The following NKD2 variants were observed in gnomAD, a reference collection of about 807,000 sequenced individuals.
NKD2 encodes NKD inhibitor of Wnt signaling pathway 2.
A neutral mutation model predicts 34.8 loss-of-function variants in NKD2; 43 were observed. That is an observed-to-expected ratio of 1.24 (90% CI 0.97 to 1.60). NKD2 has a LOEUF of 1.60. Ranked by LOEUF, NKD2 falls within the 40% of genes most tolerant of loss-of-function variation. The probability of loss-of-function intolerance (pLI) is 0.00; values close to 1 mark genes in which losing one functional copy is unlikely to be tolerated. For missense variants in NKD2, 675 were observed against 627.1 expected (o/e 1.08, Z -0.82); for synonymous variants, 278 against 265.1 (o/e 1.05, Z -0.47).
chr5:1,029,030 A>G (rs1756536951), intron 3 of NKD2, among the ~76,000 whole-genome samples: 1 of 152,204 alleles, frequency 6.6e-6, no homozygotes, highest in Admixed American at 6.5e-5. Context: ...TATAAGTTGC[A>G]ATTAAAGCTC....
chr5:1,033,327 C>T (rs1474912959), intron 4 of NKD2, 45 bp from the exon 5 acceptor site: 4 of 1,535,926 alleles, frequency 2.6e-6, no homozygotes, highest in Non-Finnish European at 3.5e-6. Context: ...GCCACATCCT[C>T]CATGTGCCCT....
In NKD2 at chr5:1,033,402, G is replaced by T. The variant is rs746963746; in HGVS notation, c.233G>T (p.Arg78Leu). Residue 78 changes from arginine (R) to leucine (L), a missense_variant, in exon 5 of 10, where the codon CGC becomes CTC. Arg to Leu is a moderately radical substitution (Grantham distance 102). Coordinates refer to ENST00000296849, the MANE Select transcript of NKD2 (RefSeq NM_033120.4). ...CTCCCCGCTGAGAAAGCTGAGGGCC[G>T]CGAGCACCCGGGACAACTCCTCAGC... is the stretch of plus-strand genomic sequence containing the variant. Reference protein sequence around the residue: ...VALPAEKAEGREHPGQLLSAD... With the variant: ...VALPAEKAEGLEHPGQLLSAD... The T allele has an allele frequency of 6.3e-7, 1 of 1,598,202 alleles. No individual in the cohort carries two copies. The highest frequency in any genetic ancestry group is 8.5e-7 in the Non-Finnish European group (1 of 1,173,196).
intron 3 of NKD2, among the ~76,000 whole-genome samples, chr5:1,014,562 G>T (rs1006157461): frequency 6.6e-6 from 1 of 152,212 alleles, no homozygotes; most frequent in Non-Finnish European, 1.5e-5. Flanking sequence ...TTGTAGGAGT[G>T]GCTGGCTCTC....
intron 3 of NKD2, among the ~76,000 whole-genome samples, chr5:1,026,694 A>G (rs986561308): frequency 6.6e-6 from 1 of 152,236 alleles, no homozygotes; most frequent in African/African-American, 2.4e-5. Context: ...CCCGTGTGCC[A>G]TATCCCAAAG....
chr5:1,011,433 C>T (rs1196375951), intron 3 of NKD2, among the ~76,000 whole-genome samples: 1 of 152,236 alleles, frequency 6.6e-6, no homozygotes, highest in African/African-American at 2.4e-5. Flanking sequence ...GTCCCTCTGG[C>T]TCTCACCTTC....
intron 3 of NKD2, among the ~76,000 whole-genome samples, chr5:1,016,475 A>G (rs900786801): frequency 1.3e-5 from 2 of 152,228 alleles, no homozygotes; most frequent in African/African-American, 4.8e-5. Flanking sequence ...TTCCAAGGAA[A>G]TCGTAAATAG....
rs1464128541 is a variant in NKD2, at chr5:1,034,739, C to T, written c.427-17C>T. The T allele has an allele frequency of 1.9e-6, 3 of 1,603,804 alleles. No homozygotes were observed. The highest frequency in any genetic ancestry group is 1.7e-4 in the Middle Eastern group (1 of 6,006). On this transcript the variant is annotated splice_polypyrimidine_tract_variant and intron_variant, in intron 6 of 9. Transcript: ENST00000296849. Reference sequence around the variant, plus strand: ...CCTGGGGTCTGCTCTGTCAGTGAAACTGATGCCGGGCCCCAGGACATGTCC... The same window carrying T: ...CCTGGGGTCTGCTCTGTCAGTGAAATTGATGCCGGGCCCCAGGACATGTCC...
intron 3 of NKD2, among the ~76,000 whole-genome samples, chr5:1,022,288 C>T (rs1330070031): frequency 6.2e-5 from 7 of 112,378 alleles, no homozygotes; most frequent in Non-Finnish European, 1.0e-4. Flanking sequence ...CTGCTCTTCC[C>T]ACCCGCTGTG....
chr5:1,035,322 G>C lies in NKD2; in HGVS notation c.575-67G>C. 9 of 1,231,878 alleles carry C rather than the reference G, an allele frequency of 7.3e-6. 1 individual carries two copies. The highest frequency in any genetic ancestry group is 1.3e-5 in the South Asian group (1 of 76,084). 76.3% of individuals were successfully genotyped at this position (1,231,878 alleles called of 1,614,324 possible). On this transcript the variant is annotated intron_variant, in intron 7 of 9. Transcript: ENST00000296849. ...AATGAGTGAGTGAGTTAATGAATGA[G>C]TGAATGAATGAGTGAATGCTGAATG...
At chr5:1,011,140 T>C (rs1364344367) in intron 3 of NKD2, among the ~76,000 whole-genome samples, 2 of 152,256 alleles carry the variant, frequency 1.3e-5, no homozygotes, top group Non-Finnish European at 1.5e-5. Context: ...CATCATTTCA[T>C]GAAAGAAAAC....
intron 3 of NKD2, among the ~76,000 whole-genome samples, chr5:1,015,969 C>T (rs1755933425): frequency 6.6e-6 from 1 of 152,260 alleles, no homozygotes; most frequent in Admixed American, 6.5e-5. Flanking sequence ...TCGTCTGTCA[C>T]AGATCATGAC....
At position 1,033,504 on chromosome 5, in the gene NKD2, GTC is replaced by G. The variant is rs1756730141; in HGVS notation, c.330+12_330+13del. ...GGGCAGCGCCTCAACATTGACGTGG[GTC>G]TCTCTCCGGCCTCACTTGCGGGAAC... is the stretch of plus-strand genomic sequence containing the variant. On this transcript the variant is annotated splice_donor_region_variant and intron_variant, in intron 5 of 9. Coordinates refer to ENST00000296849, the MANE Select transcript of NKD2 (RefSeq NM_033120.4). 6.5e-7 allele frequency: 1 copy of G among 1,546,928 alleles called. No individual in the cohort carries two copies. The highest frequency in any genetic ancestry group is 8.7e-7 in the Non-Finnish European group (1 of 1,144,574).
chr5:1,034,427 C>T, intron 6 of NKD2, 97 bp downstream of exon 6: 1 of 1,019,078 alleles, frequency 9.8e-7, no homozygotes, highest in East Asian at 2.5e-5. Flanking sequence ...CAGGAGGGGA[C>T]CTGCCTGCTG....
chr5:1,028,324 C>G (rs568425693), intron 3 of NKD2, among the ~76,000 whole-genome samples: 4 of 152,282 alleles, frequency 2.6e-5, no homozygotes, highest in East Asian at 1.9e-4. Context: ...TTGTTGACGC[C>G]GTGTGACAGA....
In NKD2 at chr5:1,038,094, C is replaced by T. The variant is rs534136808; in HGVS notation, c.1077C>T (p.Ala359=). 5.5e-5 allele frequency: 88 copies of T among 1,604,404 alleles called. No homozygotes were observed. The highest frequency in any genetic ancestry group is 1.7e-4 in the Middle Eastern group (1 of 6,026). Residue 359 remains alanine, a synonymous_variant, in exon 10 of 10, where the codon GCC becomes GCT. Coordinates refer to ENST00000296849, the MANE Select transcript of NKD2 (RefSeq NM_033120.4). This position sits in a 1 kb window ranked among gnomAD's most constrained non-coding sequence, Gnocchi z 4.5. The part of the protein sequence containing the change: ...SGKAFSYYLP[A]VLPPQAPQDG... ...AAGCCTTCAGCTACTACCTGCCGGCCGTCCTGCCGCCCCAGGCCCCTCAGG... is the reference window on the plus strand; with the variant it reads ...AAGCCTTCAGCTACTACCTGCCGGCTGTCCTGCCGCCCCAGGCCCCTCAGG...
chr5:1,022,621 C>T (rs1263893794), intron 3 of NKD2, among the ~76,000 whole-genome samples: 1 of 53,272 alleles, frequency 1.9e-5, no homozygotes, highest in African/African-American at 3.6e-5. Flanking sequence ...TCTTCCCACC[C>T]GCTGTGGGCG....
intron 9 of NKD2, chr5:1,037,434 A>G (rs892595486): frequency 8.1e-7 from 1 of 1,237,320 alleles, no homozygotes; most frequent in African/African-American, 1.5e-5. Context: ...TCTCAAATCT[A>G]TTTTGTAATG....
Position 1,009,241 on chromosome 5 carries a change from C to A in NKD2, c.61+27C>A. ...TGAGCGGGCGAGCCGACGGGCGGGG[C>A]GGGGGGCGGCGACCCGGCCCGGGAC... On this transcript the variant is annotated intron_variant, in intron 2 of 9. Coordinates refer to ENST00000296849, the MANE Select transcript of NKD2 (RefSeq NM_033120.4). This position sits in a 1 kb window ranked among gnomAD's most constrained non-coding sequence, Gnocchi z 6.9. The A allele has an allele frequency of 2.0e-6, 1 of 488,970 alleles. No homozygotes were observed. The highest frequency in any genetic ancestry group is 3.2e-5 in the South Asian group (1 of 31,062). The allele number at this position is 488,970 out of a possible 1,614,324, so 30.3% of individuals were successfully genotyped here.
chr5:1,010,613 G>T (rs1755716504), intron 3 of NKD2, among the ~76,000 whole-genome samples: 2 of 152,218 alleles, frequency 1.3e-5, no homozygotes, highest in Non-Finnish European at 2.9e-5. Flanking sequence ...GTAAGGTACA[G>T]TAAGTTGGGT....
Sources: gnomAD v4.1 joint callset for allele counts (sites outside exome capture counted in the v4.1 genomes callset) on GRCh38, gnomAD v4.1.1 for gene constraint, Gnocchi (gnomAD v3.1) non-coding constraint, MANE v1.5 for transcripts, NCBI Gene and HGNC (gene_info 2026-07-23, HGNC 2026-07-21) for gene names.